Variants in IL16 observed in about 807,000 individuals in gnomAD.
The protein encoded by IL16 is interleukin 16.
IL16 carries 67 observed loss-of-function variants against 110.1 expected under a neutral mutation model. The ratio of observed to expected loss-of-function variants is 0.61; its 90% CI spans 0.50 to 0.75. IL16 has a LOEUF of 0.75. Ranked by LOEUF, IL16 falls within the 30% of genes least tolerant of loss-of-function variation. The pLI is 0.00. For synonymous variants in IL16, 689 were observed against 662.9 expected (o/e 1.04, Z -0.61); for missense variants, 1,545 against 1,655.0 (o/e 0.93, Z 1.15).
In IL16 at chr15:81,300,235, C is replaced by G. The variant is rs1184004886; in HGVS notation, c.2909C>G (p.Thr970Ser). 3 of 1,614,112 alleles carry G rather than the reference C, an allele frequency of 1.9e-6. No homozygotes were observed. The highest frequency in any genetic ancestry group is 2.7e-5 in the African/African-American group (2 of 74,930). ...CAGCGAGCACGGAGCTTCCCCCTGACCAGGTCCCAGTCCTGTGAGACGAAG... is the reference window on the plus strand; with the variant it reads ...CAGCGAGCACGGAGCTTCCCCCTGAGCAGGTCCCAGTCCTGTGAGACGAAG... ...PSQRARSFPL[T>S]RSQSCETKLL... The change falls in exon 14 of 19, where the codon ACC (threonine) becomes AGC (serine). Residue 970 changes from threonine to serine, a missense_variant. Physicochemically the swap from Thr to Ser is moderately conservative, Grantham distance 58 (BLOSUM62 1). Coordinates refer to ENST00000683961, the MANE Select transcript of IL16 (RefSeq NM_172217.5).
chr15:81,303,702 G>C lies in IL16; in HGVS notation c.3420+52G>C. The C allele has an allele frequency of 3.3e-6, 4 of 1,219,290 alleles. No homozygotes were observed. The South Asian group carries it at 3.6e-5, about 11-fold the overall frequency. The allele number at this position is 1,219,290 out of a possible 1,614,324, so 75.5% of individuals were successfully genotyped here. On this transcript the variant is annotated intron_variant, in intron 16 of 18. Transcript: ENST00000683961. The surrounding 1 kb of genome is among the most constrained non-coding windows in gnomAD (Gnocchi z 4.1). The stretch of plus-strand genomic sequence containing the variant: ...CACAGCCAGAGGCAATGGTTCTGGG[G>C]GAGGGGGACACACTTGCCAGGAAGG...
At chr15:81,289,859 T>G (rs781235147) in intron 10 of IL16, 1 of 430,190 alleles carries the variant, frequency 2.3e-6, no homozygotes, top group South Asian at 1.7e-5. Context: ...TTAAAAAACC[T>G]GTCCTCATTT....
chr15:81,231,809 G>A (rs187470993), intron 2 of IL16, among the ~76,000 whole-genome samples: 7 of 152,016 alleles, frequency 4.6e-5, no homozygotes, highest in Non-Finnish European at 4.4e-5. Context: ...TTTTTCCTAC[G>A]TGAATATCCA....
intron 15 of IL16, 74 bp downstream of exon 15, chr15:81,301,586 AG>A: frequency 1.5e-6 from 2 of 1,375,008 alleles, no homozygotes; most frequent in Non-Finnish European, 2.0e-6. Flanking sequence ...GTTGGGCCAG[AG>A]GGGAAGTAGC....
Position 81,301,515 on chromosome 15 carries a change from A to G in IL16, c.3318+3A>G. The G allele has an allele frequency of 6.2e-7, 1 of 1,610,660 alleles. No individual in the cohort carries two copies. Among genetic ancestry groups the G allele is most frequent in the East Asian group, 2.2e-5 (1 of 44,860 alleles). On this transcript the variant is annotated splice_donor_region_variant and intron_variant, in intron 15 of 18. Transcript: ENST00000683961. ...TTCTGGATGAAGCAACATTAAAGGT[A>G]GGTTTCCTTTGTAAGCATCTGCAGT...
intron 1 of IL16, among the ~76,000 whole-genome samples, chr15:81,217,464 A>G (rs1212739318): frequency 6.6e-6 from 1 of 152,228 alleles, no homozygotes; most frequent in African/African-American, 2.4e-5. Flanking sequence ...TTTTATGGAA[A>G]AAATATTTCA....
intron 1 of IL16, among the ~76,000 whole-genome samples, chr15:81,208,466 A>G (rs1246803862): frequency 6.6e-6 from 1 of 152,166 alleles, no homozygotes; most frequent in Non-Finnish European, 1.5e-5. Context: ...AGCTGGGATT[A>G]CAGGTGCCCA....
At chr15:81,218,276 C>A (rs566713029) in intron 1 of IL16, among the ~76,000 whole-genome samples, 1 of 151,574 alleles carries the variant, frequency 6.6e-6, no homozygotes. Flanking sequence ...AAAAATGTTC[C>A]GGAAAAATGT....
intron 1 of IL16, among the ~76,000 whole-genome samples, chr15:81,208,197 C>G (rs1333830369): frequency 6.6e-6 from 1 of 151,998 alleles, no homozygotes; most frequent in Non-Finnish European, 1.5e-5. Flanking sequence ...CTGTTCATGT[C>G]CTTTGCCCAT....
intron 2 of IL16, among the ~76,000 whole-genome samples, chr15:81,240,747 TTTTAA>T (rs1389379295): frequency 2.0e-5 from 3 of 152,126 alleles, no homozygotes; most frequent in Non-Finnish European, 4.4e-5. Context: ...TTCTCCCAGC[TTTTAA>T]TTTGTCATTT....
intron 2 of IL16, among the ~76,000 whole-genome samples, chr15:81,230,600 G>A (rs933513466): frequency 6.6e-6 from 1 of 152,144 alleles, no homozygotes; most frequent in Non-Finnish European, 1.5e-5. Context: ...GGCATTCCTT[G>A]CTCAGTTTTC....
intron 18 of IL16, chr15:81,306,869 A>C: frequency 2.5e-6 from 1 of 400,718 alleles, no homozygotes; most frequent in Non-Finnish European, 4.7e-6. Flanking sequence ...GGGTGCCAAA[A>C]CACTCAGTAA....
rs780126340 is a variant in IL16, at chr15:81,301,396, G to A, written c.3202G>A (p.Asp1068Asn). Residue 1068 changes from aspartate to asparagine, a missense_variant, in exon 15 of 19, where the codon GAT (aspartate) becomes AAT (asparagine). Asp to Asn is a conservative substitution (Grantham distance 23). This residue lies in a region of IL16 where 356 missense variants were observed against 399.3 expected (regional missense o/e 0.89). Coordinates refer to ENST00000683961, the MANE Select transcript of IL16 (RefSeq NM_172217.5). ...TEGLTEAKED[D>N]DGDHSSLQSG... ...GGGTCTCACGGAAGCCAAGGAAGAC[G>A]ATGATGGGGACCACAGTTCCCTTCA... The A allele has an allele frequency of 4.5e-5, 72 of 1,613,860 alleles. No homozygotes were observed. Among genetic ancestry groups the A allele is most frequent in the Non-Finnish European group, 5.7e-5 (67 of 1,179,958 alleles).
intron 2 of IL16, among the ~76,000 whole-genome samples, chr15:81,252,121 T>G (rs570885456): frequency 4.0e-4 from 61 of 152,310 alleles, no homozygotes; most frequent in Middle Eastern, 6.8e-3. Context: ...TGTAAATCAA[T>G]TCTAAATTGA....
chr15:81,303,502 A>G lies in IL16; in HGVS notation c.3319-47A>G. On this transcript the variant is annotated intron_variant, in intron 15 of 18. Transcript: ENST00000683961. This position sits in a 1 kb window ranked among gnomAD's most constrained non-coding sequence, Gnocchi z 4.1. ...ATGTCAGTCCGATGTTAAATTGTTC[A>G]TCCTCTTGCAGTAAAATGTTTTTGA... 1 of 1,282,044 alleles carries G rather than the reference A, an allele frequency of 7.8e-7. No homozygotes were observed. Among genetic ancestry groups the G allele is most frequent in the Non-Finnish European group, 1.1e-6 (1 of 879,918 alleles). The allele number at this position is 1,282,044 out of a possible 1,614,324, so 79.4% of individuals were successfully genotyped here. A position where few individuals can be genotyped will look rare whatever the true frequency, so the allele number is the denominator to read the frequency against.
chr15:81,229,130 G>T (rs1896888093), intron 2 of IL16, among the ~76,000 whole-genome samples: 1 of 152,218 alleles, frequency 6.6e-6, no homozygotes, highest in African/African-American at 2.4e-5. Context: ...CCTTCAATGT[G>T]CTAGACAGTG....
At chr15:81,287,736 G>C (rs1177063885) in intron 10 of IL16, among the ~76,000 whole-genome samples, 1 of 152,214 alleles carries the variant, frequency 6.6e-6, no homozygotes, top group African/African-American at 2.4e-5. Context: ...GTGACACTTG[G>C]ACAGAGTGGA....
At chr15:81,293,764 C>T (rs1400738146) in intron 12 of IL16, among the ~76,000 whole-genome samples, 3 of 152,242 alleles carry the variant, frequency 2.0e-5, no homozygotes, top group Non-Finnish European at 2.9e-5. Context: ...CTCCTTTCCA[C>T]CCCTTGCATA....
chr15:81,263,275 G>A (rs1166847372), intron 3 of IL16, among the ~76,000 whole-genome samples: 1 of 151,622 alleles, frequency 6.6e-6, no homozygotes, highest in East Asian at 1.9e-4. Context: ...ATAAACTCAT[G>A]ACAATATGTA....
Sources: allele counts gnomAD v4.1 joint callset (sites outside exome capture counted in the v4.1 genomes callset), GRCh38; gene constraint gnomAD v4.1.1; regional missense constraint gnomAD v4.1.1; non-coding constraint Gnocchi (gnomAD v3.1); transcripts MANE v1.5; gene names NCBI Gene and HGNC (gene_info 2026-07-23, HGNC 2026-07-21).